Variants in CRYBG1 observed in about 807,000 individuals in gnomAD.
CRYBG1 encodes beta/gamma crystallin domain-containing protein 1.
Under a neutral mutation model 189.2 loss-of-function variants are expected in CRYBG1, and 139 were observed. The ratio of observed to expected loss-of-function variants is 0.73; its 90% CI spans 0.64 to 0.85. The LOEUF (loss-of-function observed/expected upper bound fraction) is 0.85, where lower values mean the gene tolerates loss of function less well. CRYBG1 is among the 40% of genes least tolerant of loss of function. The pLI, the probability that CRYBG1 is intolerant of heterozygous loss-of-function variation, is 0.00. For missense variants in CRYBG1, 2,611 were observed against 2,675.8 expected, an observed-to-expected ratio of 0.98 and a Z score of 0.53; for synonymous variants, 1,023 against 1,017.1, an observed-to-expected ratio of 1.01 and a Z score of -0.11.
At chr6:106,450,443 T>G (rs1249248357) in intron 1 of CRYBG1, among the ~76,000 whole-genome samples, 1 of 152,228 alleles carries the variant, frequency 6.6e-6, no homozygotes, top group East Asian at 1.9e-4. Flanking sequence ...TCTACTTTAC[T>G]GGCATTCTTC....
At chr6:106,401,226 T>C (rs75742116) in intron 1 of CRYBG1, among the ~76,000 whole-genome samples, 2,139 of 152,316 alleles carry the variant, frequency 0.014, 45 homozygotes, top group African/African-American at 0.049. Flanking sequence ...CATTTTTTAA[T>C]GAGTGACTCT....
At chr6:106,538,658 C>A (rs1774058224) in intron 8 of CRYBG1, among the ~76,000 whole-genome samples, 1 of 152,060 alleles carries the variant, frequency 6.6e-6, no homozygotes, top group African/African-American at 2.4e-5. Flanking sequence ...TTTGGGAGGC[C>A]AAGGCGGGCG....
intron 8 of CRYBG1, among the ~76,000 whole-genome samples, chr6:106,533,804 C>A (rs1244984048): frequency 6.6e-6 from 1 of 152,064 alleles, no homozygotes; most frequent in East Asian, 1.9e-4. Flanking sequence ...ATGCCAACTG[C>A]AAATTCAAGT....
At chr6:106,491,451 G>C (rs1189151846) in intron 2 of CRYBG1, among the ~76,000 whole-genome samples, 2 of 152,182 alleles carry the variant, frequency 1.3e-5, no homozygotes, top group African/African-American at 2.4e-5. Context: ...AACTTTGAGA[G>C]TGAAACCTAC....
intron 1 of CRYBG1, among the ~76,000 whole-genome samples, chr6:106,410,905 T>G (rs900219580): frequency 2.6e-5 from 4 of 152,194 alleles, no homozygotes; most frequent in Non-Finnish European, 4.4e-5. Flanking sequence ...AAATACCTAA[T>G]GTAGATGACG....
At chr6:106,380,933 T>C (rs11152978) in intron 1 of CRYBG1, among the ~76,000 whole-genome samples, 41,552 of 152,014 alleles carry the variant, frequency 0.27, 5,886 homozygotes, top group Middle Eastern at 0.36. Context: ...TGTTTCAAAC[T>C]CCTTCTGAGT....
chr6:106,395,639 G>C (rs1210703273), intron 1 of CRYBG1, among the ~76,000 whole-genome samples: 2 of 152,032 alleles, frequency 1.3e-5, no homozygotes, highest in Non-Finnish European at 2.9e-5. Flanking sequence ...TTAAAAGTGA[G>C]ATTATGGATT....
intron 18 of CRYBG1, 125 bp downstream of exon 18, chr6:106,558,750 TC>T: frequency 1.4e-6 from 1 of 734,480 alleles, no homozygotes; most frequent in Non-Finnish European, 2.0e-6. Context: ...ATCATTTGAA[TC>T]CAGGGATTCA....
intron 2 of CRYBG1, among the ~76,000 whole-genome samples, chr6:106,476,875 G>A (rs964241795): frequency 1.3e-5 from 2 of 152,150 alleles, no homozygotes; most frequent in Admixed American, 6.5e-5. Flanking sequence ...TCAAATCCTA[G>A]CACTGCCACT....
chr6:106,389,685 A>G (rs886085180), intron 1 of CRYBG1, among the ~76,000 whole-genome samples: 15 of 152,168 alleles, frequency 9.9e-5, no homozygotes, highest in Admixed American at 2.6e-4. Flanking sequence ...TAACTTATAT[A>G]TGTTAGCTGG....
At chr6:106,393,764 C>T (rs1297669991) in intron 1 of CRYBG1, among the ~76,000 whole-genome samples, 2 of 151,876 alleles carry the variant, frequency 1.3e-5, no homozygotes, top group Middle Eastern at 3.4e-3. Flanking sequence ...CAACCTCTGC[C>T]TCCCAGGTTC....
chr6:106,434,178 CAGAAAGAGAGAGAA>C (rs1164348489), intron 1 of CRYBG1, among the ~76,000 whole-genome samples: 3 of 150,730 alleles, frequency 2.0e-5, no homozygotes, highest in Non-Finnish European at 4.4e-5. Context: ...GAGATTGAGA[CAGAAAGAGAGAGAA>C]AGAAAGAGAG....
chr6:106,433,813 A>C (rs1374107550), intron 1 of CRYBG1, among the ~76,000 whole-genome samples: 1 of 147,018 alleles, frequency 6.8e-6, no homozygotes, highest in African/African-American at 2.5e-5. Context: ...ATATACATAC[A>C]TAAATATATA....
At chr6:106,517,756 G>A (rs1289434378) in intron 3 of CRYBG1, among the ~76,000 whole-genome samples, 2 of 152,074 alleles carry the variant, frequency 1.3e-5, no homozygotes, top group Non-Finnish European at 2.9e-5. Context: ...GAAGAAGTTA[G>A]AGTCCAGAGA....
At chr6:106,366,139 C>A (rs140898701) in intron 1 of CRYBG1, among the ~76,000 whole-genome samples, 2 of 152,158 alleles carry the variant, frequency 1.3e-5, no homozygotes, top group Non-Finnish European at 1.5e-5. Context: ...TGTTAGTCTT[C>A]GTAACTTAAA....
At chr6:106,565,058 G>A (rs538243648) in intron 21 of CRYBG1, among the ~76,000 whole-genome samples, 10 of 152,148 alleles carry the variant, frequency 6.6e-5, no homozygotes, top group Admixed American at 5.9e-4. Flanking sequence ...CGTGGCTCAC[G>A]CCTGTAATCC....
At chr6:106,451,475 A>G in intron 1 of CRYBG1, 1 of 371,202 alleles carries the variant, frequency 2.7e-6, no homozygotes, top group Non-Finnish European at 4.8e-6. Flanking sequence ...AGGATTTAAA[A>G]GAATTCAGTT....
chr6:106,473,631 T>G (rs1772279980), intron 2 of CRYBG1, among the ~76,000 whole-genome samples: 2 of 152,228 alleles, frequency 1.3e-5, no homozygotes, highest in South Asian at 4.1e-4. Flanking sequence ...AACAATATTC[T>G]GTGCCCCAGG....
chr6:106,516,595 C>G (rs1193123931), intron 3 of CRYBG1, among the ~76,000 whole-genome samples: 1 of 152,204 alleles, frequency 6.6e-6, no homozygotes, highest in South Asian at 2.1e-4. Flanking sequence ...TTCAGTGTCT[C>G]CACTTGTGTG....
Sources: gnomAD v4.1 joint callset for allele counts (sites outside exome capture counted in the v4.1 genomes callset) on GRCh38, gnomAD v4.1.1 for gene constraint, MANE v1.5 for transcripts, NCBI Gene and HGNC (gene_info 2026-07-23, HGNC 2026-07-21) for gene names.